The following OR9Q1 variants were observed in gnomAD, a reference collection of about 807,000 sequenced individuals.
The protein encoded by OR9Q1 is olfactory receptor 9Q1.
For missense variants in OR9Q1, 374 were observed against 378.8 expected (o/e 0.99, Z 0.11); for synonymous variants, 153 against 148.6 (o/e 1.03, Z -0.22).
intron 2 of OR9Q1, among the ~76,000 whole-genome samples, chr11:58,157,918 C>T (rs1366277556): frequency 6.6e-6 from 1 of 152,330 alleles, no homozygotes; most frequent in East Asian, 1.9e-4. Context: ...TTAGGCTTCA[C>T]TCCTTATTTG....
chr11:58,073,189 G>A (rs1029681405), intron 2 of OR9Q1: 2 of 224,514 alleles, frequency 8.9e-6, no homozygotes, highest in East Asian at 1.2e-4. Context: ...ATGACAAACC[G>A]GCATCCATGC....
At chr11:58,070,640 A>G (rs1243573372) in intron 2 of OR9Q1, among the ~76,000 whole-genome samples, 1 of 152,214 alleles carries the variant, frequency 6.6e-6, no homozygotes, top group Admixed American at 6.5e-5. Flanking sequence ...TTCTGTGGAC[A>G]TGGTGGCCCT....
intron 1 of OR9Q1, among the ~76,000 whole-genome samples, chr11:58,032,118 A>T (rs1295250115): frequency 6.6e-6 from 1 of 152,220 alleles, no homozygotes; most frequent in Non-Finnish European, 1.5e-5. Flanking sequence ...TGACACAAAC[A>T]AATGAAAAAA....
intron 2 of OR9Q1, among the ~76,000 whole-genome samples, chr11:58,112,200 G>A (rs1853908224): frequency 1.3e-5 from 2 of 152,098 alleles, no homozygotes; most frequent in African/African-American, 4.8e-5. Context: ...GGCTGAGGCA[G>A]GAGAATTTCT....
At chr11:58,137,943 A>G (rs1457557663) in intron 2 of OR9Q1, among the ~76,000 whole-genome samples, 1 of 152,204 alleles carries the variant, frequency 6.6e-6, no homozygotes, top group African/African-American at 2.4e-5. Flanking sequence ...AGCAGAAGAG[A>G]GACCATTGTG....
intron 2 of OR9Q1, among the ~76,000 whole-genome samples, chr11:58,166,618 A>C (rs1451323): frequency 0.15 from 23,472 of 152,160 alleles, 2,626 homozygotes; most frequent in East Asian, 0.55. Flanking sequence ...CAGCCTCCTG[A>C]TGATAAATGG....
At chr11:58,061,540 G>A (rs990870264) in intron 2 of OR9Q1, among the ~76,000 whole-genome samples, 10 of 152,182 alleles carry the variant, frequency 6.6e-5, no homozygotes, top group African/African-American at 2.2e-4. Context: ...AGTAACTAGC[G>A]TTTGTAAGAT....
chr11:58,138,481 AATAATTTTGGAT>A (rs1489510046), intron 2 of OR9Q1, among the ~76,000 whole-genome samples: 1 of 152,214 alleles, frequency 6.6e-6, no homozygotes, highest in Non-Finnish European at 1.5e-5. Context: ...TACTTTTTGT[AATAATTTTGGAT>A]ATGAATTGTT....
At chr11:58,064,863 A>G (rs1049652784) in intron 2 of OR9Q1, among the ~76,000 whole-genome samples, 14 of 151,990 alleles carry the variant, frequency 9.2e-5, no homozygotes, top group African/African-American at 3.4e-4. Flanking sequence ...GTAGATGTAC[A>G]TTTGCTTAAA....
At chr11:58,043,222 G>A (rs1190656930) in intron 1 of OR9Q1, among the ~76,000 whole-genome samples, 2 of 152,146 alleles carry the variant, frequency 1.3e-5, no homozygotes, top group Non-Finnish European at 2.9e-5. Context: ...AGCACCTGGT[G>A]GTTCCTTCTC....
At chr11:58,064,661 C>T (rs2513730) in intron 2 of OR9Q1, among the ~76,000 whole-genome samples, 101,398 of 151,888 alleles carry the variant, frequency 0.67, 34,269 homozygotes, top group Middle Eastern at 0.79. Flanking sequence ...ACAGTGATGT[C>T]GGGCAGCCCC....
At chr11:58,034,074 CTTTTTTTTT>C (rs61109050) in intron 1 of OR9Q1, among the ~76,000 whole-genome samples, 2 of 61,114 alleles carry the variant, frequency 3.3e-5, no homozygotes, top group Non-Finnish European at 5.8e-5. Flanking sequence ...TCAGCACTTG[CTTTTTTTTT>C]TTTTTTTTTT....
chr11:58,178,258 C>T (rs1049585854), intron 2 of OR9Q1, among the ~76,000 whole-genome samples: 15 of 152,230 alleles, frequency 9.9e-5, no homozygotes, highest in South Asian at 4.1e-4. Flanking sequence ...TTGCGTATTT[C>T]GAACTTTAAA....
intron 2 of OR9Q1, chr11:58,108,849 G>T: frequency 2.8e-6 from 1 of 353,076 alleles, no homozygotes; most frequent in South Asian, 2.2e-5. Context: ...ACACTATCTT[G>T]TCTTCCTCTG....
At chr11:58,173,065 T>C (rs1854570032) in intron 2 of OR9Q1, among the ~76,000 whole-genome samples, 1 of 152,166 alleles carries the variant, frequency 6.6e-6, no homozygotes, top group African/African-American at 2.4e-5. Context: ...TAAAAGCTGT[T>C]TACATTTAGG....
At chr11:58,110,441 G>A (rs1853888392) in intron 2 of OR9Q1, among the ~76,000 whole-genome samples, 1 of 152,174 alleles carries the variant, frequency 6.6e-6, no homozygotes, top group Non-Finnish European at 1.5e-5. Context: ...ATGAAAGACA[G>A]TGATTCTGTG....
chr11:58,089,043 A>T (rs1475483953), intron 2 of OR9Q1, among the ~76,000 whole-genome samples: 1 of 151,282 alleles, frequency 6.6e-6, no homozygotes, highest in East Asian at 1.9e-4. Flanking sequence ...GGCCCAGCTA[A>T]TTTTTTTTAT....
intron 2 of OR9Q1, among the ~76,000 whole-genome samples, chr11:58,178,904 A>ATATATATTATATATT (rs58480276): frequency 0.15 from 20,417 of 137,686 alleles, 2,356 homozygotes; most frequent in East Asian, 0.51. Flanking sequence ...TTTATATATT[A>ATATATATTATATATT]TATATATTAT....
intron 2 of OR9Q1, among the ~76,000 whole-genome samples, chr11:58,155,343 ATACTTAGGCTGG>A (rs966191695): frequency 4.3e-4 from 65 of 152,120 alleles, no homozygotes; most frequent in African/African-American, 1.5e-3. Context: ...CTTGACGGCA[ATACTTAGGCTGG>A]TATTTGGTTC....
Sources: allele counts gnomAD v4.1 joint callset (sites outside exome capture counted in the v4.1 genomes callset), GRCh38; gene constraint gnomAD v4.1.1; transcripts MANE v1.5; gene names NCBI Gene and HGNC (gene_info 2026-07-23, HGNC 2026-07-21).